Variants in SENP6 observed in about 807,000 individuals in gnomAD.
The protein encoded by SENP6 is sentrin-specific protease 6.
Under a neutral mutation model 134.5 loss-of-function variants are expected in SENP6, and 41 were observed. The ratio of observed to expected loss-of-function variants is 0.30; its 90% CI spans 0.24 to 0.40. SENP6 has a LOEUF of 0.40. Ranked by LOEUF, SENP6 falls within the 10% of genes least tolerant of loss-of-function variation. The pLI, the probability that SENP6 is intolerant of heterozygous loss-of-function variation, is 1.00. For synonymous variants in SENP6, 395 were observed against 429.8 expected (o/e 0.92, Z 1.00); for missense variants, 1,248 against 1,312.5 (o/e 0.95, Z 0.76).
At chr6:75,622,788 A>G in intron 2 of SENP6, 1 of 1,289,140 alleles carries the variant, frequency 7.8e-7, no homozygotes, top group South Asian at 1.2e-5. Flanking sequence ...TCCGTTCATC[A>G]TTACCACTTT....
intron 16 of SENP6, among the ~76,000 whole-genome samples, chr6:75,684,522 T>C (rs1424112128): frequency 1.3e-5 from 2 of 152,220 alleles, no homozygotes; most frequent in Admixed American, 6.5e-5. Flanking sequence ...CAGGATGATA[T>C]TGGCTGTGGG....
intron 19 of SENP6, among the ~76,000 whole-genome samples, chr6:75,707,178 T>A (rs1582906008): frequency 6.6e-6 from 1 of 152,306 alleles, no homozygotes; most frequent in East Asian, 1.9e-4. Flanking sequence ...ACAGTTTACA[T>A]AGATAATGAT....
chr6:75,639,951 A>T (rs1769897946), intron 5 of SENP6, among the ~76,000 whole-genome samples: 1 of 152,222 alleles, frequency 6.6e-6, no homozygotes, highest in African/African-American at 2.4e-5. Flanking sequence ...CTGTAACAAC[A>T]GTAGTCTCCT....
intron 9 of SENP6, among the ~76,000 whole-genome samples, chr6:75,663,819 T>TGGGGGGG: frequency 1.1e-5 from 1 of 90,772 alleles, no homozygotes. Flanking sequence ...TTTTTTTTTT[T>TGGGGGGG]GTGGGGGGGG....
chr6:75,622,195 G>A (rs1418338706), intron 2 of SENP6, among the ~76,000 whole-genome samples: 1 of 152,200 alleles, frequency 6.6e-6, no homozygotes, highest in Admixed American at 6.5e-5. Context: ...TGACTGTTGT[G>A]TAAAAATTTT....
intron 3 of SENP6, among the ~76,000 whole-genome samples, chr6:75,626,116 A>G (rs545674156): frequency 6.6e-5 from 9 of 137,374 alleles, no homozygotes; most frequent in African/African-American, 2.4e-4. Flanking sequence ...AACTAAATAG[A>G]GAGTTAGGTT....
At chr6:75,638,356 G>A (rs1769690445) in intron 5 of SENP6, among the ~76,000 whole-genome samples, 1 of 148,784 alleles carries the variant, frequency 6.7e-6, no homozygotes, top group Non-Finnish European at 1.5e-5. Context: ...TTTTTACAAA[G>A]TCCTACATTA....
intron 16 of SENP6, among the ~76,000 whole-genome samples, chr6:75,683,639 T>C (rs1773618812): frequency 6.6e-6 from 1 of 151,992 alleles, no homozygotes; most frequent in African/African-American, 2.4e-5. Flanking sequence ...CCCAGCACCA[T>C]TTATTAAATA....
At chr6:75,626,058 A>G (rs1768664032) in intron 3 of SENP6, among the ~76,000 whole-genome samples, 2 of 152,110 alleles carry the variant, frequency 1.3e-5, no homozygotes, top group South Asian at 2.1e-4. Context: ...TTAAATTAGT[A>G]TATTTTTAAG....
chr6:75,694,769 A>T (rs1774538320), intron 16 of SENP6, among the ~76,000 whole-genome samples: 1 of 151,790 alleles, frequency 6.6e-6, no homozygotes, highest in Non-Finnish European at 1.5e-5. Context: ...TTATTTTTCC[A>T]TTTGTCAGTT....
intron 18 of SENP6, among the ~76,000 whole-genome samples, chr6:75,699,374 T>TTTTTTTA: frequency 6.9e-6 from 1 of 144,088 alleles, no homozygotes; most frequent in Non-Finnish European, 1.5e-5. Flanking sequence ...TTTTTTTTTT[T>TTTTTTTA]GAAGAGACAA....
chr6:75,617,263 C>CTTTTT (rs71002751), intron 1 of SENP6, among the ~76,000 whole-genome samples: 1,877 of 58,252 alleles, frequency 0.032, 80 homozygotes, highest in Middle Eastern at 0.058. Flanking sequence ...TTCTTTCTTT[C>CTTTTT]TTTTTTTTTT....
chr6:75,688,181 T>C (rs376235220), intron 16 of SENP6, among the ~76,000 whole-genome samples: 1 of 152,216 alleles, frequency 6.6e-6, no homozygotes, highest in African/African-American at 2.4e-5. Flanking sequence ...CAAGGCTCCA[T>C]GGGCGTGGGA....
At chr6:75,714,483 A>G (rs1350104161) in intron 23 of SENP6, among the ~76,000 whole-genome samples, 1 of 152,202 alleles carries the variant, frequency 6.6e-6, no homozygotes, top group Non-Finnish European at 1.5e-5. Flanking sequence ...CTGAACTGCT[A>G]TACCAATCTC....
At chr6:75,704,679 G>A (rs1453189008) in intron 19 of SENP6, among the ~76,000 whole-genome samples, 3 of 152,152 alleles carry the variant, frequency 2.0e-5, no homozygotes, top group Non-Finnish European at 4.4e-5. Flanking sequence ...GCTGGGGGAC[G>A]GTCAGGTCCT....
At chr6:75,604,023 T>G (rs1319723975) in intron 1 of SENP6, among the ~76,000 whole-genome samples, 1 of 152,152 alleles carries the variant, frequency 6.6e-6, no homozygotes. Flanking sequence ...GTTTTTGTTT[T>G]GAAATTGGAA....
Position 75,715,370 on chromosome 6 carries a change from T to G in SENP6, c.3130-15T>G. ...TTATTACAGTTTTCTAATACGCATTTAATTGTATTTTCAGAATCCAATTCT... is the reference window on the plus strand; with the variant it reads ...TTATTACAGTTTTCTAATACGCATTGAATTGTATTTTCAGAATCCAATTCT... On this transcript the variant is annotated splice_polypyrimidine_tract_variant and intron_variant, in intron 23 of 23. Transcript: ENST00000447266. The G allele has an allele frequency of 6.4e-7, 1 of 1,552,796 alleles. No homozygotes were observed. The highest frequency in any genetic ancestry group is 8.8e-7 in the Non-Finnish European group (1 of 1,130,948).
chr6:75,633,710 A>G lies in SENP6; in HGVS notation c.337A>G (p.Asn113Asp), dbSNP rs776547797. 6.2e-7 allele frequency: 1 copy of G among 1,606,024 alleles called. No homozygotes were observed. The highest frequency in any genetic ancestry group is 1.7e-5 in the Admixed American group (1 of 58,054). ...CCCAATTGGACTTAACATGTTGAGC[A>G]ACAATAAGAAATTGAGGTATAGGCA... The part of the protein sequence containing the change: ...GNPIGLNMLS[N>D]NKKLSENTQN... Residue 113 changes from asparagine to aspartate, a missense_variant, in exon 4 of 24, where the codon AAC becomes GAC. This residue lies in a region of SENP6 where 733 missense variants were observed against 725.4 expected (regional missense o/e 1.01). Coordinates refer to ENST00000447266, the MANE Select transcript of SENP6 (RefSeq NM_015571.4).
intron 1 of SENP6, among the ~76,000 whole-genome samples, chr6:75,618,199 G>GAGT (rs960686824): frequency 8.5e-5 from 13 of 152,178 alleles, no homozygotes; most frequent in African/African-American, 2.7e-4. Context: ...TTGGAGAAGG[G>GAGT]AGTATATGCT....
Sources: gnomAD v4.1 joint callset for allele counts (sites outside exome capture counted in the v4.1 genomes callset) on GRCh38, gnomAD v4.1.1 for gene constraint, gnomAD v4.1.1 regional missense constraint, MANE v1.5 for transcripts, NCBI Gene and HGNC (gene_info 2026-07-23, HGNC 2026-07-21) for gene names.